Variants in DIPK1A observed in about 807,000 individuals in gnomAD.
The protein encoded by DIPK1A is divergent protein kinase domain 1A.
DIPK1A carries 27 observed loss-of-function variants against 40.8 expected under a neutral mutation model. The ratio of observed to expected loss-of-function variants is 0.66; its 90% confidence interval spans 0.49 to 0.91. The LOEUF (loss-of-function observed/expected upper bound fraction) is 0.91. DIPK1A is among the 40% of genes least tolerant of loss of function. DIPK1A has a pLI of 0.00. For missense variants in DIPK1A, 412 were observed against 505.7 expected (o/e 0.81, Z 1.78); for synonymous variants, 166 against 171.3 (o/e 0.97, Z 0.24).
intron 1 of DIPK1A, among the ~76,000 whole-genome samples, chr1:92,883,182 T>C (rs1300727394): frequency 6.6e-6 from 1 of 152,200 alleles, no homozygotes. Flanking sequence ...AAGGCATCTC[T>C]AGGGTTAAAA....
chr1:92,945,061 A>G (rs1048281392), intron 1 of DIPK1A, among the ~76,000 whole-genome samples: 2 of 152,130 alleles, frequency 1.3e-5, no homozygotes, highest in African/African-American at 4.8e-5. Flanking sequence ...ACACCAACCA[A>G]TGAGAAGAAG....
chr1:92,874,928 C>A (rs1181594150), intron 2 of DIPK1A, among the ~76,000 whole-genome samples: 1 of 152,018 alleles, frequency 6.6e-6, no homozygotes, highest in Non-Finnish European at 1.5e-5. Flanking sequence ...CCCAGAGATA[C>A]CTCCTATCTT....
intron 1 of DIPK1A, among the ~76,000 whole-genome samples, chr1:92,914,279 AC>A (rs1649954981): frequency 6.6e-6 from 1 of 152,012 alleles, no homozygotes; most frequent in Non-Finnish European, 1.5e-5. Flanking sequence ...GGGGAAAAAA[AC>A]CCACAGTGTA....
chr1:92,898,098 CAAAAAAA>C (rs1341991473), intron 1 of DIPK1A, among the ~76,000 whole-genome samples: 1 of 16,026 alleles, frequency 6.2e-5, no homozygotes, highest in Non-Finnish European at 1.1e-4. Flanking sequence ...GACTCCATCT[CAAAAAAA>C]ACAAAAAACA....
chr1:92,878,376 C>T (rs1190464795), intron 1 of DIPK1A, among the ~76,000 whole-genome samples: 1 of 152,058 alleles, frequency 6.6e-6, no homozygotes, highest in Non-Finnish European at 1.5e-5. Context: ...GAGACATTGT[C>T]TCTATGAAAA....
At position 92,888,999 on chromosome 1, in the gene DIPK1A, G is replaced by T. The variant is rs200430905; in HGVS notation, c.55-12569C>A. Among the ~76,000 whole-genome samples the T allele has an allele frequency of 5.3e-5, 8 of 151,992 alleles. No individual in the cohort carries two copies. In the East Asian group the frequency reaches 1.5e-3, roughly 29 times the overall value. ...ACTCTGTTGATTTTTTTCCTTTGCT[G>T]TGCAGAAGCTTTTTTGTTTGATATA... On this transcript the variant is annotated intron_variant, in intron 1 of 4. Transcript: ENST00000370310.
At chr1:92,948,390 T>C (rs1306916831) in intron 1 of DIPK1A, among the ~76,000 whole-genome samples, 2 of 152,206 alleles carry the variant, frequency 1.3e-5, no homozygotes, top group East Asian at 3.9e-4. Flanking sequence ...CCCATAAATA[T>C]GTACAATTAT....
rs533488692 is a variant in DIPK1A, at chr1:92,861,870, C to T, written c.190-10915G>A. On this transcript the variant is annotated intron_variant, in intron 2 of 4. Transcript: ENST00000370310. ...TATGCCTCACTGTAGCCTCGACCTC[C>T]CTGGGCTCGGGTGATCCTCCCACCT... Among the ~76,000 whole-genome samples the T allele has an allele frequency of 5.3e-4, 80 of 152,204 alleles. 1 individual carries two copies. The South Asian group carries it at 0.014, about 27-fold the overall frequency.
rs796124909 is a variant in DIPK1A at position 92,893,598 on chromosome 1, C to T, written c.55-17168G>A. On this transcript the variant is annotated intron_variant, in intron 1 of 4. Coordinates refer to ENST00000370310, the MANE Select transcript of DIPK1A (RefSeq NM_001006605.5). ...GCTAGGAAGAAACTGCATCAACTAACGAGCAAAATAACCAGCTAACATCAT... is the reference window on the plus strand; with the variant it reads ...GCTAGGAAGAAACTGCATCAACTAATGAGCAAAATAACCAGCTAACATCAT... Among the ~76,000 whole-genome samples, 632 of 151,840 alleles carry T rather than the reference C, an allele frequency of 4.2e-3. 5 individuals are homozygous for T. The highest frequency in any genetic ancestry group is 0.013 in the South Asian group (61 of 4,786).
At chr1:92,927,792 T>C (rs1283132464) in intron 1 of DIPK1A, among the ~76,000 whole-genome samples, 2 of 152,214 alleles carry the variant, frequency 1.3e-5, no homozygotes, top group South Asian at 2.1e-4. Context: ...CAGTACTTCG[T>C]TTCTTTTTAT....
At chr1:92,852,405 G>T (rs1415859543) in intron 2 of DIPK1A, among the ~76,000 whole-genome samples, 2 of 152,054 alleles carry the variant, frequency 1.3e-5, no homozygotes, top group East Asian at 3.9e-4. Context: ...GGCTGCGGTG[G>T]AAGAGTCGCT....
intron 1 of DIPK1A, among the ~76,000 whole-genome samples, chr1:92,945,678 A>G (rs1651332366): frequency 6.6e-6 from 1 of 152,196 alleles, no homozygotes; most frequent in Non-Finnish European, 1.5e-5. Context: ...CACAGAATCA[A>G]ATGATACCTA....
intron 1 of DIPK1A, among the ~76,000 whole-genome samples, chr1:92,894,210 G>A (rs1333639542): frequency 2.0e-5 from 3 of 152,118 alleles, no homozygotes; most frequent in Non-Finnish European, 4.4e-5. Flanking sequence ...ATTCTTTTCA[G>A]CACCACACCA....
intron 1 of DIPK1A, among the ~76,000 whole-genome samples, chr1:92,893,341 C>A (rs1384388435): frequency 6.6e-6 from 1 of 151,652 alleles, no homozygotes; most frequent in Non-Finnish European, 1.5e-5. Context: ...GAGTGGGGGC[C>A]AATATTCAAC....
intron 2 of DIPK1A, among the ~76,000 whole-genome samples, chr1:92,857,193 A>G (rs968709227): frequency 2.6e-5 from 4 of 152,244 alleles, no homozygotes; most frequent in African/African-American, 9.6e-5. Flanking sequence ...AGGAAGGAGA[A>G]TATCAGGCAG....
chr1:92,948,459 T>TA (rs1651458529), intron 1 of DIPK1A, among the ~76,000 whole-genome samples: 2 of 151,878 alleles, frequency 1.3e-5, no homozygotes, highest in Middle Eastern at 3.4e-3. Flanking sequence ...CTTTTTTCTT[T>TA]AAAAAATAGA....
chr1:92,897,907 T>C (rs1414599490), intron 1 of DIPK1A, among the ~76,000 whole-genome samples: 1 of 152,180 alleles, frequency 6.6e-6, no homozygotes, highest in Non-Finnish European at 1.5e-5. Context: ...AAGACCAGCC[T>C]GGCTAATGTG....
intron 1 of DIPK1A, among the ~76,000 whole-genome samples, chr1:92,910,488 C>T (rs943929643): frequency 9.9e-5 from 15 of 152,194 alleles, no homozygotes; most frequent in South Asian, 2.1e-4. Context: ...CTCAGAAATA[C>T]CTGTCTAGTT....
chr1:92,852,717 A>C (rs1687860873), intron 2 of DIPK1A, among the ~76,000 whole-genome samples: 1 of 152,102 alleles, frequency 6.6e-6, no homozygotes, highest in Non-Finnish European at 1.5e-5. Context: ...AATGAGGGGA[A>C]AGACAGACAG....
Sources: allele counts gnomAD v4.1 joint callset (sites outside exome capture counted in the v4.1 genomes callset), GRCh38; gene constraint gnomAD v4.1.1; transcripts MANE v1.5; gene names NCBI Gene and HGNC (gene_info 2026-07-23, HGNC 2026-07-21).